The following RAP1GDS1 variants were observed in gnomAD, a reference collection of about 807,000 sequenced individuals.
RAP1GDS1 encodes the protein RAP1, GTP-GDP dissociation stimulator 1.
In RAP1GDS1, 35 loss-of-function variants were observed where a neutral mutation model predicts 71.1. That is an observed-to-expected ratio of 0.49 (90% confidence interval 0.38 to 0.65). RAP1GDS1 has a LOEUF of 0.65. Among genes scored for constraint, RAP1GDS1 ranks in the 30% least tolerant of loss-of-function variants. The pLI, the probability that RAP1GDS1 is intolerant of heterozygous loss-of-function variation, is 0.00. For synonymous variants in RAP1GDS1, 229 were observed against 243.1 expected (o/e 0.94, Z 0.54); for missense variants, 663 against 706.1 (o/e 0.94, Z 0.69).
At chr4:98,291,983 G>A (rs940116646) in intron 1 of RAP1GDS1, among the ~76,000 whole-genome samples, 4 of 152,126 alleles carry the variant, frequency 2.6e-5, no homozygotes, top group Non-Finnish European at 4.4e-5. Flanking sequence ...AAATACTCAC[G>A]TGTTTTCCAA....
intron 2 of RAP1GDS1, among the ~76,000 whole-genome samples, chr4:98,298,152 C>G (rs1728055867): frequency 1.3e-5 from 2 of 152,174 alleles, no homozygotes; most frequent in Non-Finnish European, 2.9e-5. Context: ...AAGTTGGACA[C>G]TAGCAGAGGT....
At chr4:98,389,079 T>TA (rs1008303146) in intron 5 of RAP1GDS1, among the ~76,000 whole-genome samples, 1 of 152,208 alleles carries the variant, frequency 6.6e-6, no homozygotes, top group African/African-American at 2.4e-5. Flanking sequence ...GTGTTCATGC[T>TA]AAAATGCCAG....
At chr4:98,384,704 A>G (rs1560936926) in intron 5 of RAP1GDS1, among the ~76,000 whole-genome samples, 1 of 151,678 alleles carries the variant, frequency 6.6e-6, no homozygotes, top group African/African-American at 2.4e-5. Flanking sequence ...AAGTATTGGC[A>G]TTTATATTCA....
In RAP1GDS1 at chr4:98,430,302, T is replaced by C. The variant is rs193270416; in HGVS notation, c.1441-3634T>C. Among the ~76,000 whole-genome samples the C allele has an allele frequency of 3.6e-3, 556 of 152,342 alleles. 2 individuals are homozygous for C. Among genetic ancestry groups the C allele is most frequent in the Non-Finnish European group, 6.0e-3 (408 of 68,038 alleles). On this transcript the variant is annotated intron_variant, in intron 12 of 14. Coordinates refer to ENST00000408927, the MANE Select transcript of RAP1GDS1 (RefSeq NM_001100427.2). ...TACAATTCAATACCTTTACATATCT[T>C]TCCTACAATTGAGAGTATACTGCTG... is the stretch of plus-strand genomic sequence containing the variant.
intron 4 of RAP1GDS1, among the ~76,000 whole-genome samples, chr4:98,354,890 A>G (rs530355220): frequency 6.6e-6 from 1 of 152,312 alleles, no homozygotes; most frequent in African/African-American, 2.4e-5. Flanking sequence ...GAAGTGATTC[A>G]TTACTTAATA....
chr4:98,421,497 A>G (rs1362781486), intron 12 of RAP1GDS1, 103 bp downstream of exon 12: 1 of 1,213,846 alleles, frequency 8.2e-7, no homozygotes, highest in Non-Finnish European at 1.1e-6. Context: ...ACCTGAAAGT[A>G]TTGTGAAGAT....
At chr4:98,369,027 G>A (rs567148929) in intron 4 of RAP1GDS1, among the ~76,000 whole-genome samples, 9 of 152,200 alleles carry the variant, frequency 5.9e-5, no homozygotes, top group Non-Finnish European at 1.2e-4. Flanking sequence ...CACAATCATG[G>A]TGAAAGGTGA....
At chr4:98,376,421 A>G (rs1358981802) in intron 4 of RAP1GDS1, among the ~76,000 whole-genome samples, 1 of 152,036 alleles carries the variant, frequency 6.6e-6, no homozygotes, top group Non-Finnish European at 1.5e-5. Flanking sequence ...ACCAATTTAT[A>G]TGGACTTGTG....
At chr4:98,360,404 T>C (rs189072948) in intron 4 of RAP1GDS1, among the ~76,000 whole-genome samples, 294 of 150,766 alleles carry the variant, frequency 2.0e-3, no homozygotes, top group African/African-American at 7.0e-3. Flanking sequence ...TTTAGAACTT[T>C]CCTTTCCTCA....
At chr4:98,274,933 T>C (rs1229849682) in intron 1 of RAP1GDS1, among the ~76,000 whole-genome samples, 1 of 152,226 alleles carries the variant, frequency 6.6e-6, no homozygotes, top group East Asian at 1.9e-4. Flanking sequence ...TACAGCCAAA[T>C]ACAATTTAAT....
intron 2 of RAP1GDS1, among the ~76,000 whole-genome samples, chr4:98,331,142 A>G (rs1260110350): frequency 2.6e-5 from 4 of 152,224 alleles, no homozygotes; most frequent in African/African-American, 9.6e-5. Flanking sequence ...CAAAAAATAC[A>G]AAAACCAGTC....
chr4:98,402,963 G>T (rs1051591487), intron 6 of RAP1GDS1, among the ~76,000 whole-genome samples: 39 of 152,106 alleles, frequency 2.6e-4, no homozygotes, highest in African/African-American at 9.2e-4. Flanking sequence ...GCTAGTATGA[G>T]AAAGTAATAG....
At chr4:98,349,649 G>A (rs1334087431) in intron 3 of RAP1GDS1, among the ~76,000 whole-genome samples, 1 of 152,190 alleles carries the variant, frequency 6.6e-6, no homozygotes, top group East Asian at 1.9e-4. Flanking sequence ...TCGTTGAGCA[G>A]TGGTTTGTAA....
At chr4:98,363,478 C>CAAAAGAAAGAAA (rs1739047165) in intron 4 of RAP1GDS1, among the ~76,000 whole-genome samples, 22 of 37,730 alleles carry the variant, frequency 5.8e-4, no homozygotes, top group African/African-American at 2.2e-3. Context: ...GACCCTGTCT[C>CAAAAGAAAGAAA]AAAAAAAAAA....
intron 7 of RAP1GDS1, among the ~76,000 whole-genome samples, chr4:98,407,669 CAGAG>C (rs151209394): frequency 3.4e-3 from 515 of 152,100 alleles, no homozygotes; most frequent in African/African-American, 0.011. Flanking sequence ...ACTTTGGAGA[CAGAG>C]GGAGGTAGTG....
At chr4:98,405,738 C>T (rs142882178) in intron 7 of RAP1GDS1, among the ~76,000 whole-genome samples, 173 of 151,992 alleles carry the variant, frequency 1.1e-3, no homozygotes, top group African/African-American at 3.9e-3. Context: ...CTGACAGCTA[C>T]CTTCTCAACA....
chr4:98,371,254 A>G (rs972646474), intron 4 of RAP1GDS1, among the ~76,000 whole-genome samples: 7 of 151,686 alleles, frequency 4.6e-5, no homozygotes, highest in Non-Finnish European at 8.8e-5. Context: ...CTAGGATTAC[A>G]GGCGTGTACC....
intron 7 of RAP1GDS1, among the ~76,000 whole-genome samples, chr4:98,416,035 G>A (rs926239383): frequency 6.6e-6 from 1 of 151,972 alleles, no homozygotes; most frequent in Non-Finnish European, 1.5e-5. Context: ...TCCTGCCTTG[G>A]CCTCCCAAAG....
chr4:98,438,624 ACT>A (rs1291717307), intron 14 of RAP1GDS1, among the ~76,000 whole-genome samples: 2 of 97,318 alleles, frequency 2.1e-5, no homozygotes, highest in African/African-American at 4.3e-5. Context: ...ACAGAGTCTT[ACT>A]CTGTCACCCA....
Sources: allele counts gnomAD v4.1 joint callset (sites outside exome capture counted in the v4.1 genomes callset), GRCh38; gene constraint gnomAD v4.1.1; transcripts MANE v1.5; gene names NCBI Gene and HGNC (gene_info 2026-07-23, HGNC 2026-07-21).